METTL8: variants seen among roughly 807,000 people sequenced by gnomAD.
METTL8 encodes methyltransferase 8, tRNA N3-cytidine.
Under a neutral mutation model 48.7 loss-of-function variants are expected in METTL8, and 32 were observed. The ratio of observed to expected loss-of-function variants is 0.66; its 90% CI spans 0.50 to 0.88. The LOEUF (loss-of-function observed/expected upper bound fraction) is 0.88. Among genes scored for constraint, METTL8 ranks in the 40% least tolerant of loss-of-function variants. The probability of loss-of-function intolerance (pLI) is 0.00; values close to 1 mark genes in which losing one functional copy is unlikely to be tolerated. For synonymous variants in METTL8, 136 were observed against 157.1 expected (o/e 0.87, Z 1.01); for missense variants, 464 against 474.4 (o/e 0.98, Z 0.20).
intron 2 of METTL8, among the ~76,000 whole-genome samples, chr2:171,382,946 C>A (rs539114865): frequency 1.3e-5 from 2 of 151,686 alleles, no homozygotes; most frequent in Non-Finnish European, 2.9e-5. Context: ...TGGTGGCGGG[C>A]GCCTGTAATC....
intron 3 of METTL8, among the ~76,000 whole-genome samples, chr2:171,353,262 C>T (rs1045694698): frequency 2.6e-5 from 4 of 152,148 alleles, no homozygotes; most frequent in African/African-American, 7.2e-5. Flanking sequence ...GTGCAGTTTC[C>T]GTGTAGTTGG....
chr2:171,346,853 C>G (rs1687316953), intron 3 of METTL8, among the ~76,000 whole-genome samples: 1 of 152,208 alleles, frequency 6.6e-6, no homozygotes, highest in African/African-American at 2.4e-5. Context: ...TGAAGCCTCA[C>G]CCAGGGTGCT....
At position 171,325,907 on chromosome 2, in the gene METTL8, C is replaced by T. The variant is rs1684899545; in HGVS notation, c.968-1G>A. On this transcript the variant is annotated splice_acceptor_variant, in intron 8 of 9. Coordinates refer to ENST00000375258, the MANE Select transcript of METTL8 (RefSeq NM_001321154.2). LOFTEE classifies it high-confidence loss of function. ...TAAAAATTTTCAGATAAACAATGTC[C>T]TGAAAAAAATTGTGAAAAGAGAAAC... 6.3e-7 allele frequency: 1 copy of T among 1,591,100 alleles called. No individual in the cohort carries two copies. The highest frequency in any genetic ancestry group is 1.1e-5 in the South Asian group (1 of 88,340).
chr2:171,413,678 C>T (rs1205127921), intron 1 of METTL8, among the ~76,000 whole-genome samples: 1 of 152,066 alleles, frequency 6.6e-6, no homozygotes, highest in Non-Finnish European at 1.5e-5. Flanking sequence ...TCTTTGGAGC[C>T]TTTATAATTT....
chr2:171,394,708 TAG>T (rs1258715478), intron 1 of METTL8, among the ~76,000 whole-genome samples: 1 of 152,204 alleles, frequency 6.6e-6, no homozygotes, highest in Non-Finnish European at 1.5e-5. Flanking sequence ...CAACTGTATA[TAG>T]GAGATAATAT....
intron 1 of METTL8, among the ~76,000 whole-genome samples, chr2:171,395,942 C>T (rs1689017316): frequency 6.6e-6 from 1 of 152,114 alleles, no homozygotes; most frequent in Non-Finnish European, 1.5e-5. Context: ...CAAGGTAGAC[C>T]ATACGCTGGG....
At chr2:171,340,442 C>T (rs974991171) in intron 3 of METTL8, among the ~76,000 whole-genome samples, 2 of 137,422 alleles carry the variant, frequency 1.5e-5, no homozygotes, top group Non-Finnish European at 3.0e-5. Context: ...GAGAAATTTG[C>T]AGTGAGCAGA....
chr2:171,389,506 C>T (rs1688384569), intron 2 of METTL8, among the ~76,000 whole-genome samples: 1 of 126,960 alleles, frequency 7.9e-6, no homozygotes, highest in Admixed American at 8.3e-5. Flanking sequence ...CAGAGTCTCC[C>T]TGTCTCACAA....
intron 2 of METTL8, among the ~76,000 whole-genome samples, chr2:171,369,453 A>G (rs1392947601): frequency 6.6e-6 from 1 of 152,208 alleles, no homozygotes; most frequent in East Asian, 1.9e-4. Flanking sequence ...AAACATTTAG[A>G]GCAATGCCAC....
chr2:171,404,072 T>TATATAA (rs1689923247), intron 1 of METTL8, among the ~76,000 whole-genome samples: 1 of 107,650 alleles, frequency 9.3e-6, no homozygotes, highest in South Asian at 3.0e-4. Context: ...TATATATATA[T>TATATAA]ATATATATAT....
At chr2:171,362,566 A>AAAATAAAT (rs147767237) in intron 2 of METTL8, among the ~76,000 whole-genome samples, 24,671 of 145,838 alleles carry the variant, frequency 0.17, 2,246 homozygotes, top group Non-Finnish European at 0.2. Flanking sequence ...TAAAAAAATA[A>AAAATAAAT]AAATAAATAA....
At position 171,370,015 on chromosome 2, in the gene METTL8, G is replaced by A. The variant is rs1475446779; in HGVS notation, c.144-9502C>T. On this transcript the variant is annotated intron_variant, in intron 2 of 9. Transcript: ENST00000375258. Reference sequence around the variant, plus strand: ...TGGGAGGCAGAGGTTGCAATGAGCCGAGATCATGCCATTGCACTCCAGCCT... The same window carrying A: ...TGGGAGGCAGAGGTTGCAATGAGCCAAGATCATGCCATTGCACTCCAGCCT... Among the ~76,000 whole-genome samples, 10 of 150,814 alleles carry A rather than the reference G, an allele frequency of 6.6e-5. No homozygotes were observed. In the East Asian group the frequency reaches 9.7e-4, roughly 15 times the overall value.
chr2:171,413,236 G>A (rs1690931239), intron 1 of METTL8, among the ~76,000 whole-genome samples: 2 of 152,226 alleles, frequency 1.3e-5, no homozygotes, highest in African/African-American at 4.8e-5. Flanking sequence ...ATTTGGTGTA[G>A]TAGTAAAGTA....
chr2:171,378,023 G>A (rs1335107854), intron 2 of METTL8, among the ~76,000 whole-genome samples: 1 of 152,080 alleles, frequency 6.6e-6, no homozygotes, highest in African/African-American at 2.4e-5. Context: ...ACCAACAAGT[G>A]GATCAACTAG....
intron 1 of METTL8, among the ~76,000 whole-genome samples, chr2:171,408,932 T>C (rs1337693340): frequency 6.6e-6 from 1 of 152,236 alleles, no homozygotes; most frequent in Non-Finnish European, 1.5e-5. Context: ...CATTTGCTGT[T>C]ATCATTAGTC....
At chr2:171,414,417 C>CAAAA in intron 1 of METTL8, among the ~76,000 whole-genome samples, 1 of 105,644 alleles carries the variant, frequency 9.5e-6, no homozygotes. Flanking sequence ...AACTCCGTCT[C>CAAAA]AAAAAAAAAA....
chr2:171,383,098 C>A (rs1687728201), intron 2 of METTL8, among the ~76,000 whole-genome samples: 1 of 151,490 alleles, frequency 6.6e-6, no homozygotes, highest in Admixed American at 6.6e-5. Context: ...ACACAAAAAC[C>A]CCAAAAAACA....
intron 2 of METTL8, among the ~76,000 whole-genome samples, chr2:171,382,493 G>T (rs537242667): frequency 6.6e-6 from 1 of 152,244 alleles, no homozygotes; most frequent in Non-Finnish European, 1.5e-5. Flanking sequence ...TCATAAGTAG[G>T]AGTTGAACAA....
Position 171,372,359 on chromosome 2 carries a change from C to T in METTL8, c.144-11846G>A, listed in dbSNP as rs137951379. On this transcript the variant is annotated intron_variant, in intron 2 of 9. Transcript: ENST00000375258. ...GTTACATCTCTACCCTCCCTCTCAT[C>T]CCCATTCCCATCTCTGATGTAAATA... 1.4e-3 allele frequency among the ~76,000 whole-genome samples: 212 copies of T among 152,162 alleles called. 4 individuals are homozygous for T. In the East Asian group the frequency reaches 0.015, roughly 11 times the overall value.
Sources: allele counts gnomAD v4.1 joint callset (sites outside exome capture counted in the v4.1 genomes callset), GRCh38; gene constraint gnomAD v4.1.1; transcripts MANE v1.5; gene names NCBI Gene and HGNC (gene_info 2026-07-23, HGNC 2026-07-21).